TRANK1: variants seen among roughly 807,000 people sequenced by gnomAD.
The protein encoded by TRANK1 is TPR and ankyrin repeat-containing protein 1.
Under a neutral mutation model 266.0 loss-of-function variants are expected in TRANK1, and 198 were observed. The observed-to-expected ratio is 0.74, with a 90% CI of 0.66 to 0.84. The LOEUF (loss-of-function observed/expected upper bound fraction) is 0.84. Among genes scored for constraint, TRANK1 ranks in the 40% least tolerant of loss-of-function variants. The probability of loss-of-function intolerance (pLI) is 0.00; values close to 1 mark genes in which losing one functional copy is unlikely to be tolerated. For missense variants in TRANK1, 3,326 were observed against 3,634.6 expected, an observed-to-expected ratio of 0.92 and a Z score of 2.18; for synonymous variants, 1,396 against 1,384.1, an observed-to-expected ratio of 1.01 and a Z score of -0.19.
intron 11 of TRANK1, among the ~76,000 whole-genome samples, chr3:36,859,553 C>T (rs1490836577): frequency 3.9e-5 from 6 of 152,122 alleles, no homozygotes; most frequent in African/African-American, 1.2e-4. Context: ...TTCTCAACTG[C>T]CATCTTCCCT....
Position 36,908,331 on chromosome 3 carries a change from G to T in TRANK1, c.147C>A (p.Tyr49Ter). The T allele has an allele frequency of 8.1e-7, 1 of 1,232,208 alleles. No homozygotes were observed. Among genetic ancestry groups the T allele is most frequent in the South Asian group, 4.1e-5 (1 of 24,326 alleles). The allele number at this position is 1,232,208 out of a possible 1,614,324, so 76.3% of individuals were successfully genotyped here. Residue 49 changes from tyrosine (Y) to a stop codon, truncating the protein, a stop_gained, in exon 2 of 24, where the codon TAC becomes TAA. Coordinates refer to ENST00000645898, the MANE Select transcript of TRANK1 (RefSeq NM_001329998.2). LOFTEE classifies it high-confidence loss of function. ...DEAIQILLQLYQWGVPPRDLA... is the reference protein window; with the variant it reads ...DEAIQILLQL Reference sequence around the variant, plus strand: ...AAAATGCAAACACTTACCCCCACTGGTATAACTGCAGGAGAATCTGGATGG... The same window carrying T: ...AAAATGCAAACACTTACCCCCACTGTTATAACTGCAGGAGAATCTGGATGG...
rs2079081086 is a variant in TRANK1 at position 36,857,891 on chromosome 3, A to G, written c.1831T>C (p.Leu611=). The G allele has an allele frequency of 6.2e-7, 1 of 1,611,924 alleles. No individual in the cohort carries two copies. Among genetic ancestry groups the G allele is most frequent in the South Asian group, 1.1e-5 (1 of 91,094 alleles). ...ATGTCAAACTTCACCAGCAGGTCTA[A>G]CAGCTTCTTCACGCGCTTTAGCATG... ...KGMLKRVKKL[L]DLLVKFDINF... The change falls in exon 13 of 24, where the codon TTA becomes CTA. Residue 611 remains leucine (L), a synonymous_variant. Transcript: ENST00000645898. This position sits in a 1 kb window ranked among gnomAD's most constrained non-coding sequence, Gnocchi z 4.3.
intron 20 of TRANK1, among the ~76,000 whole-genome samples, chr3:36,836,115 T>C (rs995582128): frequency 6.6e-6 from 1 of 152,190 alleles, no homozygotes; most frequent in Non-Finnish European, 1.5e-5. Flanking sequence ...CTGCTGACTG[T>C]GGTCAAGAAT....
chr3:36,906,341 C>A (rs769969068), intron 2 of TRANK1, among the ~76,000 whole-genome samples: 14 of 152,172 alleles, frequency 9.2e-5, no homozygotes, highest in Non-Finnish European at 2.1e-4. Flanking sequence ...AACATCTGCT[C>A]GCTCTACTGC....
At chr3:36,919,636 TG>T (rs2080187448) in intron 1 of TRANK1, among the ~76,000 whole-genome samples, 1 of 152,108 alleles carries the variant, frequency 6.6e-6, no homozygotes, top group African/African-American at 2.4e-5. Flanking sequence ...TTCCCAGGAG[TG>T]GATCTGCTGA....
intron 8 of TRANK1, among the ~76,000 whole-genome samples, chr3:36,881,173 C>T (rs2079526294): frequency 6.6e-6 from 1 of 151,846 alleles, no homozygotes; most frequent in Non-Finnish European, 1.5e-5. Flanking sequence ...ATTATTTGCC[C>T]GGGTGTGGTA....
intron 1 of TRANK1, among the ~76,000 whole-genome samples, chr3:36,911,740 A>C: frequency 6.6e-6 from 1 of 152,238 alleles, no homozygotes; most frequent in East Asian, 1.9e-4. Flanking sequence ...GGGTCTTTAA[A>C]AAAAAGAAAA....
At chr3:36,835,318 C>CAAAAAA (rs33954737) in intron 20 of TRANK1, among the ~76,000 whole-genome samples, 11 of 67,846 alleles carry the variant, frequency 1.6e-4, no homozygotes, top group African/African-American at 3.8e-4. Context: ...GACTCCGTCT[C>CAAAAAA]AAAAAAAAAA....
At chr3:36,888,921 G>A (rs2079646734) in intron 8 of TRANK1, among the ~76,000 whole-genome samples, 1 of 152,152 alleles carries the variant, frequency 6.6e-6, no homozygotes, top group African/African-American at 2.4e-5. Flanking sequence ...GTGTTTGCCT[G>A]TAATCCCAAC....
chr3:36,907,626 G>T lies in TRANK1; in HGVS notation c.155+697C>A, dbSNP rs977280488. Among the ~76,000 whole-genome samples the T allele has an allele frequency of 6.0e-5, 9 of 150,950 alleles. No individual in the cohort carries two copies. In the East Asian group the frequency reaches 1.8e-3, roughly 30 times the overall value. Reference sequence around the variant, plus strand: ...ACTACAGGTGCCCACCACCACACCCGGCTAATCTGTTGTATTTTTAATAGA... The same window carrying T: ...ACTACAGGTGCCCACCACCACACCCTGCTAATCTGTTGTATTTTTAATAGA... On this transcript the variant is annotated intron_variant, in intron 2 of 23. Coordinates refer to ENST00000645898, the MANE Select transcript of TRANK1 (RefSeq NM_001329998.2).
At chr3:36,931,576 G>T (rs924261560) in intron 1 of TRANK1, among the ~76,000 whole-genome samples, 1 of 151,974 alleles carries the variant, frequency 6.6e-6, no homozygotes, top group Non-Finnish European at 1.5e-5. Context: ...ATGGTGGCAC[G>T]CACCTATAGT....
chr3:36,885,349 T>C (rs1288351685), intron 8 of TRANK1, among the ~76,000 whole-genome samples: 1 of 152,114 alleles, frequency 6.6e-6, no homozygotes, highest in Non-Finnish European at 1.5e-5. Flanking sequence ...CAAACCAAAA[T>C]TGATAGATAG....
At position 36,838,367 on chromosome 3, in the gene TRANK1, C is replaced by A. The variant is rs1414115191; in HGVS notation, c.5517+5G>T. 6.2e-7 allele frequency: 1 copy of A among 1,613,882 alleles called. No homozygotes were observed. The highest frequency in any genetic ancestry group is 8.5e-7 in the Non-Finnish European group (1 of 1,179,842). On this transcript the variant is annotated splice_donor_5th_base_variant and intron_variant, in intron 20 of 23. Transcript: ENST00000645898. Reference sequence around the variant, plus strand: ...CCTGGAGCAGCAGCGGACTAGGAGCCATACCTTTCCCAGCCTCTCGCACAG... The same window carrying A: ...CCTGGAGCAGCAGCGGACTAGGAGCAATACCTTTCCCAGCCTCTCGCACAG...
intron 20 of TRANK1, among the ~76,000 whole-genome samples, chr3:36,835,617 A>G (rs1030143675): frequency 6.6e-6 from 1 of 152,238 alleles, no homozygotes; most frequent in Non-Finnish European, 1.5e-5. Flanking sequence ...AAACTGATAC[A>G]TCAAAACTGC....
At chr3:36,883,894 T>A (rs1409711467) in intron 8 of TRANK1, among the ~76,000 whole-genome samples, 1 of 151,662 alleles carries the variant, frequency 6.6e-6, no homozygotes, top group Non-Finnish European at 1.5e-5. Context: ...AAAACCATGG[T>A]AAAGGGAGTG....
At chr3:36,879,761 A>T (rs1037053833) in intron 8 of TRANK1, among the ~76,000 whole-genome samples, 2 of 71,926 alleles carry the variant, frequency 2.8e-5, no homozygotes, top group African/African-American at 6.1e-5. Flanking sequence ...AATATATATA[A>T]ATATATATAA....
At chr3:36,899,413 G>T (rs573654614) in intron 3 of TRANK1, among the ~76,000 whole-genome samples, 154 bp from the exon 4 acceptor site, 1 of 152,148 alleles carries the variant, frequency 6.6e-6, no homozygotes, top group African/African-American at 2.4e-5. Flanking sequence ...CTAACATTCC[G>T]AGAGATCAAG....
rs1308696849 is a variant in TRANK1, at chr3:36,832,885, C to G, written c.6698G>C (p.Gly2233Ala). 5 of 1,613,734 alleles carry G rather than the reference C, an allele frequency of 3.1e-6. No individual in the cohort carries two copies. The African/African-American group carries it at 5.3e-5, about 17-fold the overall frequency. Residue 2233 changes from glycine (G) to alanine (A), a missense_variant, in exon 22 of 24, where the codon GGG becomes GCG. Coordinates refer to ENST00000645898, the MANE Select transcript of TRANK1 (RefSeq NM_001329998.2). ...TACTTTTTTGGCTTCCAAAAGCAAC[C>G]CGTTGATTGCCACCAAGTTCATTTT... is the stretch of plus-strand genomic sequence containing the variant. ...QSKMNLVAIN[G>A]LLLEAKKVFP...
chr3:36,834,618 G>T, intron 21 of TRANK1, 144 bp downstream of exon 21: 1 of 862,562 alleles, frequency 1.2e-6, no homozygotes. Flanking sequence ...TGCTGACCCA[G>T]CACTGAGGCC....
Sources: allele counts gnomAD v4.1 joint callset (sites outside exome capture counted in the v4.1 genomes callset), GRCh38; gene constraint gnomAD v4.1.1; non-coding constraint Gnocchi (gnomAD v3.1); transcripts MANE v1.5; gene names NCBI Gene and HGNC (gene_info 2026-07-23, HGNC 2026-07-21).